TET2: variants seen among roughly 807,000 people sequenced by gnomAD.
TET2 encodes tet methylcytosine dioxygenase 2, also known as methylcytosine dioxygenase TET2.
A neutral mutation model predicts 142.9 loss-of-function variants in TET2; 299 were observed. The observed-to-expected ratio is 2.09, with a 90% CI of 1.90 to 2.30. TET2 has a LOEUF of 2.30. TET2 is among the 30% of genes most tolerant of loss of function. The pLI is 0.00. For synonymous variants in TET2, 819 were observed against 849.0 expected, an observed-to-expected ratio of 0.96 and a Z score of 0.61; for missense variants, 2,418 against 2,378.0, an observed-to-expected ratio of 1.02 and a Z score of -0.35.
intron 4 of TET2, chr4:105,241,740 G>A: frequency 8.0e-7 from 1 of 1,254,066 alleles, no homozygotes; most frequent in Non-Finnish European, 1.0e-6. Context: ...TCCAACGAGA[G>A]GTCCCACTCT....
At chr4:105,174,642 G>A (rs552272365) in intron 1 of TET2, among the ~76,000 whole-genome samples, 6 of 152,242 alleles carry the variant, frequency 3.9e-5, no homozygotes, top group African/African-American at 1.4e-4. Flanking sequence ...CAGTGTGGGC[G>A]GTTGTTCAGT....
At chr4:105,202,548 A>T (rs986064320) in intron 2 of TET2, 2 of 152,218 alleles carry the variant, frequency 1.3e-5, no homozygotes, top group African/African-American at 2.4e-5. Flanking sequence ...GAACAAATAC[A>T]GGAAACAGTT....
At chr4:105,242,683 T>C in intron 4 of TET2, 151 bp from the exon 5 acceptor site, 1 of 1,386,806 alleles carries the variant, frequency 7.2e-7, no homozygotes. Context: ...TCCAGTTTGC[T>C]TGGCGTAGAC....
intron 2 of TET2, among the ~76,000 whole-genome samples, chr4:105,209,715 A>G (rs1198868606): frequency 6.6e-6 from 1 of 152,162 alleles, no homozygotes; most frequent in Non-Finnish European, 1.5e-5. Context: ...AAATTAAGAA[A>G]TGTTGTAGGT....
At chr4:105,243,458 A>T in intron 5 of TET2, 112 bp from the exon 6 acceptor site, 1 of 975,192 alleles carries the variant, frequency 1.0e-6, no homozygotes. Context: ...CCTAATTGTG[A>T]TCTAAACATG....
rs1728907954 is a variant in TET2 at position 105,236,353 on chromosome 4, TG to T, written c.2414del (p.Gly805AspfsTer8). On this transcript the variant is annotated frameshift_variant, in exon 3 of 11. Coordinates refer to ENST00000380013, the MANE Select transcript of TET2 (RefSeq NM_001127208.3). LOFTEE classifies it high-confidence loss of function. ...GAGTTCGAGACTCATAATGTCCAAATGGGACTGGAGGAAGTACAGAATATAA... is the reference window on the plus strand; with the variant it reads ...GAGTTCGAGACTCATAATGTCCAAATGGACTGGAGGAAGTACAGAATATAA... ...SSEFETHNVQ[M>X]GLEEVQNINR... 6.2e-7 allele frequency: 1 copy of T among 1,613,974 alleles called. No homozygotes were observed. Among genetic ancestry groups the T allele is most frequent in the Non-Finnish European group, 8.5e-7 (1 of 1,180,002 alleles).
At chr4:105,221,591 A>G (rs920520739) in intron 2 of TET2, among the ~76,000 whole-genome samples, 1 of 152,200 alleles carries the variant, frequency 6.6e-6, no homozygotes, top group African/African-American at 2.4e-5. Context: ...GGAGCAGTGC[A>G]CACGCTGTAT....
chr4:105,242,461 C>G, intron 4 of TET2: 3 of 1,102,110 alleles, frequency 2.7e-6, no homozygotes, highest in Non-Finnish European at 3.3e-6. Context: ...ATTATGACTC[C>G]CCAAGTTTTA....
intron 1 of TET2, among the ~76,000 whole-genome samples, chr4:105,150,801 A>G (rs1174979627): frequency 1.3e-5 from 2 of 152,220 alleles, no homozygotes; most frequent in Admixed American, 6.5e-5. Context: ...GAGGTTATGC[A>G]GTACATCTGT....
In TET2 at chr4:105,186,562, G is replaced by A. The variant is rs187129258; in HGVS notation, c.-192-3798G>A. Among the ~76,000 whole-genome samples the A allele has an allele frequency of 7.4e-3, 1,027 of 138,972 alleles. 5 individuals carry two copies. Among genetic ancestry groups the A allele is most frequent in the Non-Finnish European group, 0.011 (746 of 65,860 alleles). 91.2% of individuals were successfully genotyped at this position (138,972 alleles called of 152,430 possible). ...GCGATCTCAGCTTATTGCAACCTCC[G>A]CCTCCTGGAGGCGATTCTCCCGCCT... On this transcript the variant is annotated intron_variant, in intron 1 of 10. Transcript: ENST00000380013.
Position 105,235,047 on chromosome 4 carries a change from C to T in TET2, c.1105C>T (p.Arg369Trp), listed in dbSNP as rs150072691. Residue 369 changes from arginine (R) to tryptophan (W), a missense_variant, in exon 3 of 11, where the codon CGG becomes TGG. By Grantham distance (101) the Arg-to-Trp change is moderately radical (BLOSUM62 -3). Coordinates refer to ENST00000380013, the MANE Select transcript of TET2 (RefSeq NM_001127208.3). ...NLQAPGGSSE[R>W]YLKQNEMNGA... ...GCAAGCTCCTGGTGGCAGCTCTGAA[C>T]GGTATTTAAAACAAAATGAAATGAA... 3.5e-5 allele frequency: 57 copies of T among 1,614,112 alleles called. No homozygotes were observed. The highest frequency in any genetic ancestry group is 3.2e-4 in the African/African-American group (24 of 75,042).
intron 3 of TET2, chr4:105,240,441 T>C (rs1384957128): frequency 3.7e-6 from 4 of 1,074,720 alleles, no homozygotes; most frequent in Admixed American, 5.4e-5. Flanking sequence ...ATCTTAATTA[T>C]AGCTATGCAG....
At chr4:105,254,154 T>C (rs1730008653) in intron 6 of TET2, among the ~76,000 whole-genome samples, 1 of 152,192 alleles carries the variant, frequency 6.6e-6, no homozygotes, top group Admixed American at 6.5e-5. Flanking sequence ...TTATGAAGTA[T>C]TTTCTCTGCT....
rs1263888350 is a variant in TET2, at chr4:105,276,214, T to C, written c.5704T>C (p.Tyr1902His). The C allele has an allele frequency of 6.4e-7, 1 of 1,551,644 alleles. No homozygotes were observed. Among genetic ancestry groups the C allele is most frequent in the Non-Finnish European group, 8.7e-7 (1 of 1,146,970 alleles). ...NHPTRISLVF[Y>H]QHKSMNEPKH... ...CCCCACCAGGATCTCCCTCGTCTTT[T>C]ACCAGCATAAGAGCATGAATGAGCC... Residue 1902 changes from tyrosine to histidine, a missense_variant, in exon 11 of 11, where the codon TAC becomes CAC. Physicochemically the swap from Tyr to His is moderately conservative, Grantham distance 83. Transcript: ENST00000380013.
Position 105,236,512 on chromosome 4 carries a change from A to C in TET2, c.2570A>C (p.Asn857Thr). Reference sequence around the variant, plus strand: ...ACACATCCTGAACTTTTTGCAGGAAACAAGACCCAAAACTTGCATCACATG... The same window carrying C: ...ACACATCCTGAACTTTTTGCAGGAACCAAGACCCAAAACTTGCATCACATG... ...QTTHPELFAG[N>T]KTQNLHHMQY... Residue 857 changes from asparagine (N) to threonine (T), a missense_variant, in exon 3 of 11, where the codon AAC becomes ACC. Transcript: ENST00000380013. 1.2e-6 allele frequency: 2 copies of C among 1,614,172 alleles called. No homozygotes were observed. The highest frequency in any genetic ancestry group is 2.2e-5 in the South Asian group (2 of 91,084).
At chr4:105,271,953 CAA>C (rs1416066571) in intron 9 of TET2, among the ~76,000 whole-genome samples, 1 of 152,128 alleles carries the variant, frequency 6.6e-6, no homozygotes, top group Non-Finnish European at 1.5e-5. Flanking sequence ...GGAGGAGAGA[CAA>C]GAGAGTGAAA....
intron 2 of TET2, among the ~76,000 whole-genome samples, chr4:105,206,103 A>G (rs1342891528): frequency 1.3e-5 from 2 of 151,830 alleles, no homozygotes; most frequent in South Asian, 4.2e-4. Context: ...GTAATGTCTG[A>G]TTTTCTTTGT....
rs1383216136 is a variant in TET2 at position 105,235,219 on chromosome 4, T to C, written c.1277T>C (p.Leu426Pro). 2 of 1,614,094 alleles carry C rather than the reference T, an allele frequency of 1.2e-6. No individual in the cohort carries two copies. The highest frequency in any genetic ancestry group is 1.1e-5 in the South Asian group (1 of 91,082). ...CTTCCTTCAGAAGGAAAAAGCACTC[T>C]GAATGGTGGAGTTTTAGAAGAACAC... ...PQLPSEGKST[L>P]NGGVLEEHHH... Residue 426 changes from leucine (L) to proline (P), a missense_variant, in exon 3 of 11, where the codon CTG becomes CCG. By Grantham distance (98) the Leu-to-Pro change is moderately conservative (BLOSUM62 -3). Transcript: ENST00000380013.
At chr4:105,272,538 GC>G (rs1731014370) in intron 9 of TET2, 25 bp from the exon 10 acceptor site, 1 of 1,431,260 alleles carries the variant, frequency 7.0e-7, no homozygotes, top group Non-Finnish European at 9.3e-7. Flanking sequence ...TGTAGTTGAG[GC>G]TGTAATGTCT....
Sources: gnomAD v4.1 joint callset for allele counts (sites outside exome capture counted in the v4.1 genomes callset) on GRCh38, gnomAD v4.1.1 for gene constraint, MANE v1.5 for transcripts, NCBI Gene and HGNC (gene_info 2026-07-23, HGNC 2026-07-21) for gene names.